The following MAF variants were observed in gnomAD, a reference collection of about 807,000 sequenced individuals.
MAF encodes transcription factor Maf.
In MAF, 10 loss-of-function variants were observed where a neutral mutation model predicts 22.0. The observed-to-expected ratio is 0.45, with a 90% CI of 0.28 to 0.77. The LOEUF is 0.77. Among genes scored for constraint, MAF ranks in the 30% least tolerant of loss-of-function variants. The pLI is 0.12. For missense variants in MAF, 544 were observed against 548.4 expected, an observed-to-expected ratio of 0.99 and a Z score of 0.08; for synonymous variants, 337 against 255.8, an observed-to-expected ratio of 1.32 and a Z score of -3.03.
the MAF span, among the ~76,000 whole-genome samples, chr16:79,292,961 G>A: frequency 6.6e-6 from 1 of 152,144 alleles, no homozygotes; most frequent in Non-Finnish European, 1.5e-5. Context: ...CCTCAGTTCT[G>A]GGAGTTGCCC....
the MAF span, among the ~76,000 whole-genome samples, chr16:79,342,145 G>A: frequency 3.3e-5 from 5 of 152,282 alleles, no homozygotes; most frequent in East Asian, 7.7e-4. Context: ...GAAGTTCAGG[G>A]ACTTGCCCAA....
At chr16:79,311,018 A>AT in the MAF span, among the ~76,000 whole-genome samples, 15,184 of 133,542 alleles carry the variant, frequency 0.11, 1,330 homozygotes, top group East Asian at 0.41. Flanking sequence ...CTGCTTTTTC[A>AT]TTTTTTTTTT....
the MAF span, among the ~76,000 whole-genome samples, chr16:79,374,297 C>T: frequency 1.3e-5 from 2 of 152,174 alleles, no homozygotes; most frequent in African/African-American, 2.4e-5. Flanking sequence ...CTCAGAATCT[C>T]AGTGTTGTTC....
At chr16:79,536,309 C>A in the MAF span, among the ~76,000 whole-genome samples, 2 of 152,190 alleles carry the variant, frequency 1.3e-5, no homozygotes, top group African/African-American at 4.8e-5. Context: ...TTTGTGGGCT[C>A]CCCACCCATG....
At chr16:79,410,832 T>G in the MAF span, among the ~76,000 whole-genome samples, 1 of 152,152 alleles carries the variant, frequency 6.6e-6, no homozygotes, top group Non-Finnish European at 1.5e-5. Flanking sequence ...GGGCTGGGGT[T>G]TGGGTGTGAA....
At chr16:79,498,836 A>C in the MAF span, among the ~76,000 whole-genome samples, 8 of 152,076 alleles carry the variant, frequency 5.3e-5, no homozygotes, top group Non-Finnish European at 1.0e-4. Context: ...TTACTTATTC[A>C]TTTTTTTATC....
At chr16:79,528,072 G>A in the MAF span, among the ~76,000 whole-genome samples, 472 of 152,318 alleles carry the variant, frequency 3.1e-3, 3 homozygotes, top group Non-Finnish European at 5.7e-3. Context: ...AACCTGGGAG[G>A]TGGAGGTTGC....
the MAF span, among the ~76,000 whole-genome samples, chr16:79,516,787 G>A: frequency 6.6e-6 from 1 of 152,274 alleles, no homozygotes; most frequent in South Asian, 2.1e-4. Flanking sequence ...GAGCTCTAGA[G>A]GTTCCATGGA....
chr16:79,496,693 C>G, the MAF span, among the ~76,000 whole-genome samples: 1 of 152,182 alleles, frequency 6.6e-6, no homozygotes, highest in Admixed American at 6.5e-5. Context: ...ATGGCAGGAT[C>G]TAGAGATGCT....
At chr16:79,341,498 G>C in the MAF span, among the ~76,000 whole-genome samples, 2 of 152,252 alleles carry the variant, frequency 1.3e-5, no homozygotes, top group East Asian at 3.9e-4. Flanking sequence ...AGATTGATTT[G>C]AAATTAGCCA....
At chr16:79,518,529 G>A in the MAF span, among the ~76,000 whole-genome samples, 1 of 152,216 alleles carries the variant, frequency 6.6e-6, no homozygotes, top group African/African-American at 2.4e-5. Context: ...CAGCTGCTTT[G>A]GATGTGATCC....
At chr16:79,402,616 C>T in the MAF span, among the ~76,000 whole-genome samples, 1 of 152,230 alleles carries the variant, frequency 6.6e-6, no homozygotes, top group Non-Finnish European at 1.5e-5. Flanking sequence ...CCAAGGTTAG[C>T]CAGCCCAGCT....
At chr16:79,511,510 C>G in the MAF span, among the ~76,000 whole-genome samples, 1 of 152,194 alleles carries the variant, frequency 6.6e-6, no homozygotes, top group African/African-American at 2.4e-5. Context: ...CTGCATTTAA[C>G]AAATTTTAAT....
the MAF span, among the ~76,000 whole-genome samples, chr16:79,533,607 T>A: frequency 6.6e-6 from 1 of 152,036 alleles, no homozygotes; most frequent in South Asian, 2.1e-4. Flanking sequence ...TCCATCTGGT[T>A]CATAACCCAA....
the MAF span, among the ~76,000 whole-genome samples, chr16:79,221,075 T>C: frequency 6.6e-6 from 1 of 152,256 alleles, no homozygotes; most frequent in Non-Finnish European, 1.5e-5. Flanking sequence ...GCCAGCCTTT[T>C]GATAGTGTTC....
chr16:79,388,956 C>G, the MAF span, among the ~76,000 whole-genome samples: 2 of 152,176 alleles, frequency 1.3e-5, no homozygotes, highest in Non-Finnish European at 2.9e-5. Context: ...GTTTTATTAC[C>G]TAGTCTTACT....
chr16:79,435,223 C>T, the MAF span, among the ~76,000 whole-genome samples: 5 of 151,412 alleles, frequency 3.3e-5, no homozygotes, highest in African/African-American at 4.9e-5. Context: ...TGTACACACA[C>T]ATACAAGCAC....
the MAF span, among the ~76,000 whole-genome samples, chr16:79,520,843 G>T: frequency 1.7e-4 from 26 of 152,266 alleles, no homozygotes; most frequent in Middle Eastern, 3.4e-3. Flanking sequence ...GCATTGGCAA[G>T]GGAAGGGTAT....
the MAF span, among the ~76,000 whole-genome samples, chr16:79,404,924 T>C: frequency 6.6e-6 from 1 of 152,168 alleles, no homozygotes; most frequent in Non-Finnish European, 1.5e-5. Flanking sequence ...CACTCCCTCA[T>C]TCTCTCCTTC....
Sources: gnomAD v4.1 joint callset for allele counts (sites outside exome capture counted in the v4.1 genomes callset) on GRCh38, gnomAD v4.1.1 for gene constraint, MANE v1.5 for transcripts, NCBI Gene and HGNC (gene_info 2026-07-23, HGNC 2026-07-21) for gene names.